NRK: variants seen among roughly 807,000 people sequenced by gnomAD.
NRK encodes the protein nik-related protein kinase.
A neutral mutation model predicts 125.2 loss-of-function variants in NRK; 67 were observed. That is an observed-to-expected ratio of 0.54 (90% CI 0.44 to 0.66). The LOEUF is 0.66. NRK is among the 30% of genes least tolerant of loss of function. The pLI is 0.00. For synonymous variants in NRK, 458 were observed against 429.0 expected, an observed-to-expected ratio of 1.07 and a Z score of -0.84; for missense variants, 1,224 against 1,192.9, an observed-to-expected ratio of 1.03 and a Z score of -0.38.
At position 105,912,748 on chromosome X, in the gene NRK, A is replaced by C. The variant is rs1242082458; in HGVS notation, c.2342A>C (p.Lys781Thr). The C allele has an allele frequency of 1.0e-6, 1 of 995,213 alleles. No homozygotes were observed. Among genetic ancestry groups the C allele is most frequent in the Non-Finnish European group, 1.4e-6 (1 of 730,084 alleles). 82.0% of individuals were successfully genotyped at this position (995,213 alleles called of 1,213,427 possible). A position where few individuals can be genotyped will look rare whatever the true frequency, so the allele number is the denominator to read the frequency against. Residue 781 changes from lysine (K) to threonine (T), a missense_variant, in exon 14 of 29, where the codon AAA (lysine) becomes ACA (threonine). By Grantham distance (78) the Lys-to-Thr change is moderately conservative. Coordinates refer to ENST00000243300, the MANE Select transcript of NRK (RefSeq NM_198465.4). ...PLKPYISNPK[K>T]IEVQERSPSV... is the part of the protein sequence containing the mutation. ...AAGCCATACATTTCAAATCCTAAAAAAATTGAGGTAAATTTTTCAATATGA... is the reference window on the plus strand; with the variant it reads ...AAGCCATACATTTCAAATCCTAAAACAATTGAGGTAAATTTTTCAATATGA...
intron 2 of NRK, among the ~76,000 whole-genome samples, chrX:105,875,794 A>G (rs1217319377): frequency 9.0e-6 from 1 of 110,983 alleles, no homozygotes; most frequent in Non-Finnish European, 1.9e-5. Context: ...ACTACAAAGC[A>G]TTGTTACTAC....
At chrX:105,892,009 T>C (rs1053457029) in intron 5 of NRK, among the ~76,000 whole-genome samples, 3 of 111,843 alleles carry the variant, frequency 2.7e-5, no homozygotes, top group African/African-American at 9.8e-5. Context: ...TTTTGCAGTC[T>C]CCTTACTGGA....
intron 1 of NRK, among the ~76,000 whole-genome samples, chrX:105,824,435 T>C (rs1029844714): frequency 2.7e-5 from 3 of 110,078 alleles, no homozygotes; most frequent in African/African-American, 9.9e-5. Flanking sequence ...CTGCCTATGA[T>C]TGGGAAAAGA....
chrX:105,888,594 G>A (rs777439076), intron 5 of NRK, among the ~76,000 whole-genome samples, 175 bp downstream of exon 5: 33 of 111,215 alleles, frequency 3.0e-4, no homozygotes, highest in Non-Finnish European at 5.7e-4. Context: ...CAAAATAATC[G>A]TGGTTTTTGC....
At chrX:105,873,718 C>T (rs914249722) in intron 2 of NRK, among the ~76,000 whole-genome samples, 2 of 111,121 alleles carry the variant, frequency 1.8e-5, no homozygotes, top group African/African-American at 6.6e-5. Flanking sequence ...ATAGCCTTTG[C>T]TCATAATGTC....
intron 13 of NRK, among the ~76,000 whole-genome samples, chrX:105,912,293 T>A (rs2040312003): frequency 9.0e-6 from 1 of 110,902 alleles, no homozygotes. Flanking sequence ...TAGTTTGGTG[T>A]TATGAGTCAA....
chrX:105,855,990 AT>A (rs1485086401), intron 2 of NRK, among the ~76,000 whole-genome samples: 1 of 111,741 alleles, frequency 8.9e-6, no homozygotes, highest in Non-Finnish European at 1.9e-5. Flanking sequence ...TGGTTGTAAC[AT>A]TTTTATTGCT....
At chrX:105,857,296 C>G (rs1025842350) in intron 2 of NRK, among the ~76,000 whole-genome samples, 1 of 111,543 alleles carries the variant, frequency 9.0e-6, no homozygotes, top group African/African-American at 3.3e-5. Flanking sequence ...CCACATTACT[C>G]TTTTAGCCAG....
Position 105,873,167 on chromosome X carries a change from C to T in NRK, c.124-7032C>T, listed in dbSNP as rs180752829. Among the ~76,000 whole-genome samples the T allele has an allele frequency of 4.0e-4, 45 of 111,510 alleles. No homozygotes were observed. The East Asian group carries it at 0.011, about 27-fold the overall frequency. On this transcript the variant is annotated intron_variant, in intron 2 of 28. Transcript: ENST00000243300. ...GCAAAGCAAATAACGGGAAGGACTA[C>T]GTAGGAACTGCTGAAGGATCAGCAG... is the stretch of plus-strand genomic sequence containing the variant.
intron 2 of NRK, among the ~76,000 whole-genome samples, chrX:105,859,815 G>C (rs1455863846): frequency 8.9e-6 from 1 of 111,761 alleles, no homozygotes; most frequent in Non-Finnish European, 1.9e-5. Context: ...GGGGCAGGGA[G>C]AGAAAGGGGT....
At chrX:105,916,963 A>C (rs962186874) in intron 15 of NRK, among the ~76,000 whole-genome samples, 4 of 111,504 alleles carry the variant, frequency 3.6e-5, no homozygotes, top group African/African-American at 1.3e-4. Context: ...AAGTTTGTCT[A>C]TTCCAGACCT....
chrX:105,931,817 AT>A (rs2040598636), intron 19 of NRK, among the ~76,000 whole-genome samples: 1 of 111,120 alleles, frequency 9.0e-6, no homozygotes, highest in African/African-American at 3.3e-5. Flanking sequence ...GGAACCGATT[AT>A]TTTTTTCTGA....
chrX:105,862,627 A>T (rs767048258), intron 2 of NRK, among the ~76,000 whole-genome samples: 12 of 112,460 alleles, frequency 1.1e-4, no homozygotes, highest in African/African-American at 3.2e-4. Context: ...ATGGACAACA[A>T]AATATTTTGG....
At chrX:105,833,233 G>T (rs996807430) in intron 2 of NRK, among the ~76,000 whole-genome samples, 1 of 110,394 alleles carries the variant, frequency 9.1e-6, no homozygotes, top group Non-Finnish European at 1.9e-5. Flanking sequence ...AGCTATAGAG[G>T]GTGATATAAT....
intron 16 of NRK, among the ~76,000 whole-genome samples, chrX:105,917,900 A>G (rs1257058437): frequency 9.0e-6 from 1 of 110,968 alleles, no homozygotes; most frequent in Non-Finnish European, 1.9e-5. Flanking sequence ...TTTGTTGGGT[A>G]GTAGTTAGGA....
intron 7 of NRK, among the ~76,000 whole-genome samples, chrX:105,898,294 C>T (rs113693129): frequency 9.0e-5 from 10 of 111,598 alleles, no homozygotes; most frequent in African/African-American, 2.0e-4. Context: ...GTTATCATTT[C>T]GGAGGTTCAG....
intron 1 of NRK, among the ~76,000 whole-genome samples, chrX:105,825,485 C>A (rs2039080462): frequency 8.9e-6 from 1 of 112,273 alleles, no homozygotes; most frequent in African/African-American, 3.2e-5. Context: ...AAGATTGATA[C>A]ATTATGTCCT....
rs1279082910 is a variant in NRK, at chrX:105,849,467, C to T, written c.123+18348C>T. ...TATAAAACCAATCATGCCTTCCCAA[C>T]AGTCCCGCATTAACCCAAAAGTCCG... On this transcript the variant is annotated intron_variant, in intron 2 of 28. Coordinates refer to ENST00000243300, the MANE Select transcript of NRK (RefSeq NM_198465.4). Among the ~76,000 whole-genome samples the T allele has an allele frequency of 2.7e-5, 3 of 111,463 alleles. No individual in the cohort carries two copies. In the Admixed American group the frequency reaches 2.9e-4, roughly 11 times the overall value.
chrX:105,909,396 C>A lies in NRK; in HGVS notation c.1755C>A (p.Ala585=). The part of the protein sequence containing the change: ...AEEPESLRVN[A]QVFLPLLSQD... ...AACCTGAGTCATTACGAGTAAATGCCCAGGTATTTCTGCCCCTGCTATCAC... is the reference window on the plus strand; with the variant it reads ...AACCTGAGTCATTACGAGTAAATGCACAGGTATTTCTGCCCCTGCTATCAC... The change falls in exon 13 of 29, where the codon GCC becomes GCA. Residue 585 remains alanine (A), a synonymous_variant. Transcript: ENST00000243300. 1.7e-6 allele frequency: 2 copies of A among 1,206,298 alleles called. No individual in the cohort carries two copies. Among genetic ancestry groups the A allele is most frequent in the Non-Finnish European group, 2.2e-6 (2 of 892,550 alleles).
Sources: allele counts gnomAD v4.1 joint callset (sites outside exome capture counted in the v4.1 genomes callset), GRCh38; gene constraint gnomAD v4.1.1; transcripts MANE v1.5; gene names NCBI Gene and HGNC (gene_info 2026-07-23, HGNC 2026-07-21).